The following MAF variants were observed in gnomAD, a reference collection of about 807,000 sequenced individuals.
MAF encodes the protein transcription factor Maf.
MAF carries 10 observed loss-of-function variants against 22.0 expected under a neutral mutation model. The ratio of observed to expected loss-of-function variants is 0.45; its 90% CI spans 0.28 to 0.77. The LOEUF (loss-of-function observed/expected upper bound fraction) is 0.77, where lower values mean the gene tolerates loss of function less well. MAF is among the 30% of genes least tolerant of loss of function. MAF has a pLI of 0.12. For missense variants in MAF, 544 were observed against 548.4 expected (o/e 0.99, Z 0.08); for synonymous variants, 337 against 255.8 (o/e 1.32, Z -3.03).
chr16:79,313,655 C>A, the MAF span, among the ~76,000 whole-genome samples: 1 of 152,130 alleles, frequency 6.6e-6, no homozygotes, highest in African/African-American at 2.4e-5. Flanking sequence ...TTTAGCATCC[C>A]CCAAGGCCTT....
chr16:79,338,486 T>C, the MAF span, among the ~76,000 whole-genome samples: 1 of 152,232 alleles, frequency 6.6e-6, no homozygotes. Context: ...CAATCTACTA[T>C]GCTTTAGGCA....
chr16:79,211,967 A>T, the MAF span: 1 of 1,535,024 alleles, frequency 6.5e-7, no homozygotes, highest in Non-Finnish European at 8.7e-7. Context: ...GGAAGCAGGG[A>T]ATTCCTGGGG....
At chr16:79,470,338 G>C in the MAF span, among the ~76,000 whole-genome samples, 5 of 152,132 alleles carry the variant, frequency 3.3e-5, no homozygotes, top group Admixed American at 2.6e-4. Flanking sequence ...GATGGGTCCA[G>C]GGCAGGTCAT....
At chr16:79,517,228 A>T in the MAF span, among the ~76,000 whole-genome samples, 1 of 152,166 alleles carries the variant, frequency 6.6e-6, no homozygotes, top group Admixed American at 6.5e-5. Flanking sequence ...TAGAGGAAAA[A>T]GCCCAAAGAC....
chr16:79,533,058 G>T, the MAF span, among the ~76,000 whole-genome samples: 1 of 152,124 alleles, frequency 6.6e-6, no homozygotes, highest in Non-Finnish European at 1.5e-5. Flanking sequence ...GCCCTTCGGG[G>T]TAACTTAGTG....
the MAF span, among the ~76,000 whole-genome samples, chr16:79,270,205 C>T: frequency 6.6e-6 from 1 of 151,958 alleles, no homozygotes; most frequent in African/African-American, 2.4e-5. Context: ...ATCTAGCTCC[C>T]ACAGAAGGTA....
chr16:79,537,090 G>A, the MAF span, among the ~76,000 whole-genome samples: 11 of 152,288 alleles, frequency 7.2e-5, no homozygotes, highest in East Asian at 1.9e-4. Flanking sequence ...ATGTCTGCAC[G>A]TCTGTGAGAT....
chr16:79,482,231 C>A, the MAF span, among the ~76,000 whole-genome samples: 1 of 152,222 alleles, frequency 6.6e-6, no homozygotes, highest in South Asian at 2.1e-4. Flanking sequence ...ATGACAGTTT[C>A]ATTTCCCTCA....
At chr16:79,518,957 T>G in the MAF span, among the ~76,000 whole-genome samples, 1 of 152,134 alleles carries the variant, frequency 6.6e-6, no homozygotes, top group Admixed American at 6.6e-5. Flanking sequence ...ATAAGCTTTA[T>G]AAATCTTAGC....
At chr16:79,347,248 G>C in the MAF span, among the ~76,000 whole-genome samples, 5 of 152,240 alleles carry the variant, frequency 3.3e-5, no homozygotes, top group Non-Finnish European at 7.3e-5. Flanking sequence ...GTGTGGGCGT[G>C]CAGATGTGAG....
chr16:79,322,028 T>C, the MAF span, among the ~76,000 whole-genome samples: 1 of 152,138 alleles, frequency 6.6e-6, no homozygotes, highest in Non-Finnish European at 1.5e-5. Flanking sequence ...GGTCAGAGGT[T>C]TGCGACCAAC....
chr16:79,493,045 T>C, the MAF span, among the ~76,000 whole-genome samples: 1 of 151,868 alleles, frequency 6.6e-6, no homozygotes, highest in Non-Finnish European at 1.5e-5. Flanking sequence ...TGCAACCTCA[T>C]CTCAAGGGTT....
chr16:79,204,446 C>T, the MAF span: 1 of 152,132 alleles, frequency 6.6e-6, no homozygotes, highest in African/African-American at 2.4e-5. Flanking sequence ...CAAAGCATGT[C>T]TAGGGTCTCA....
At chr16:79,413,210 G>GTTTTTTTTTTT in the MAF span, among the ~76,000 whole-genome samples, 16 of 63,642 alleles carry the variant, frequency 2.5e-4, 5 homozygotes, top group Non-Finnish European at 3.9e-4. Context: ...GAGCTGTGCA[G>GTTTTTTTTTTT]TTTTTTTTTT....
chr16:79,314,547 G>C, the MAF span, among the ~76,000 whole-genome samples: 2 of 152,160 alleles, frequency 1.3e-5, no homozygotes, highest in East Asian at 3.9e-4. Flanking sequence ...GAGCAGAGGA[G>C]GGGCTTCCTA....
At chr16:79,235,493 G>T in the MAF span, among the ~76,000 whole-genome samples, 1 of 151,956 alleles carries the variant, frequency 6.6e-6, no homozygotes, top group Admixed American at 6.6e-5. Flanking sequence ...TTGAGCCCAG[G>T]AGTTTGAGGG....
At chr16:79,288,787 T>A in the MAF span, among the ~76,000 whole-genome samples, 2 of 152,170 alleles carry the variant, frequency 1.3e-5, no homozygotes, top group African/African-American at 4.8e-5. Context: ...TGGAGTATAG[T>A]GGTGCCATCT....
the MAF span, among the ~76,000 whole-genome samples, chr16:79,234,168 T>C: frequency 6.6e-6 from 1 of 152,086 alleles, no homozygotes; most frequent in Non-Finnish European, 1.5e-5. Flanking sequence ...TCCTTCACAC[T>C]TGTGTGGCAC....
the MAF span, among the ~76,000 whole-genome samples, chr16:79,265,229 C>T: frequency 2.0e-5 from 3 of 152,138 alleles, no homozygotes; most frequent in Non-Finnish European, 2.9e-5. Context: ...AATCTAAATT[C>T]ATCAAGTGTA....
Sources: allele counts gnomAD v4.1 joint callset (sites outside exome capture counted in the v4.1 genomes callset), GRCh38; gene constraint gnomAD v4.1.1; transcripts MANE v1.5; gene names NCBI Gene and HGNC (gene_info 2026-07-23, HGNC 2026-07-21).